The following ENDOD1 variants were observed in gnomAD, a reference collection of about 807,000 sequenced individuals.
ENDOD1 encodes endonuclease domain-containing 1 protein.
A neutral mutation model predicts 6.5 loss-of-function variants in ENDOD1; 9 were observed. That is an observed-to-expected ratio of 1.39 (90% CI 0.84 to 2.43). The LOEUF is 2.43. ENDOD1 is among the 30% of genes most tolerant of loss of function. The pLI is 0.00. For synonymous variants in ENDOD1, 255 were observed against 255.2 expected (o/e 1.00, Z 0.01); for missense variants, 648 against 635.5 (o/e 1.02, Z -0.21).
At chr11:95,111,892 G>A (rs1346119049) in intron 1 of ENDOD1, among the ~76,000 whole-genome samples, 1 of 152,154 alleles carries the variant, frequency 6.6e-6, no homozygotes, top group Non-Finnish European at 1.5e-5. Context: ...TACCTTGCAT[G>A]GAAGACGATG....
At chr11:95,127,867 C>T (rs1385694405) in intron 1 of ENDOD1, among the ~76,000 whole-genome samples, 1 of 152,062 alleles carries the variant, frequency 6.6e-6, no homozygotes, top group South Asian at 2.1e-4. Context: ...TCAAGTGATT[C>T]TCCTGCCTCA....
chr11:95,104,082 A>G (rs1178952348), intron 1 of ENDOD1, among the ~76,000 whole-genome samples: 10 of 152,110 alleles, frequency 6.6e-5, no homozygotes, highest in African/African-American at 2.4e-4. Context: ...TCTTTAGAAT[A>G]ATTTGGTAGA....
chr11:95,129,210 C>T lies in ENDOD1; in HGVS notation c.1134C>T (p.Arg378=). 6.2e-7 allele frequency: 1 copy of T among 1,614,174 alleles called. No individual in the cohort carries two copies. The highest frequency in any genetic ancestry group is 8.5e-7 in the Non-Finnish European group (1 of 1,180,036). ...ATGGCATAGAAAGTTGCCTTTACCG[C>T]CTGGGCTCAGCCACCATCTCATACT... ...VINGIESCLY[R]LGSATISYFM... The change falls in exon 2 of 2, where the codon CGC becomes CGT. Residue 378 remains arginine (R), a synonymous_variant. Coordinates refer to ENST00000278505, the MANE Select transcript of ENDOD1 (RefSeq NM_015036.3).
At chr11:95,112,415 A>T (rs782432901) in intron 1 of ENDOD1, among the ~76,000 whole-genome samples, 1 of 152,208 alleles carries the variant, frequency 6.6e-6, no homozygotes, top group Admixed American at 6.5e-5. Flanking sequence ...CCTGCCATTC[A>T]TCTGAGTTTC....
rs1248233862 is a variant in ENDOD1, at chr11:95,098,726, T to A, written c.300+8499T>A. 2.0e-5 allele frequency among the ~76,000 whole-genome samples: 3 copies of A among 152,110 alleles called. No homozygotes were observed. In the East Asian group the frequency reaches 5.8e-4, roughly 30 times the overall value. ...TTTTTTCACATGTAATTTCATGTAA[T>A]CCTCAGCATCGTCAGAAATAGGTAC... On this transcript the variant is annotated intron_variant, in intron 1 of 1. Coordinates refer to ENST00000278505, the MANE Select transcript of ENDOD1 (RefSeq NM_015036.3).
At chr11:95,122,048 T>C (rs1466550381) in intron 1 of ENDOD1, among the ~76,000 whole-genome samples, 1 of 152,214 alleles carries the variant, frequency 6.6e-6, no homozygotes, top group African/African-American at 2.4e-5. Context: ...CATAGGTTTA[T>C]TTTTGTCTTT....
chr11:95,104,146 C>G (rs564816161), intron 1 of ENDOD1, among the ~76,000 whole-genome samples: 2 of 152,212 alleles, frequency 1.3e-5, no homozygotes, highest in Non-Finnish European at 2.9e-5. Context: ...CCCAGACTTA[C>G]GGGATCAAGA....
chr11:95,105,983 C>G (rs1318047932), intron 1 of ENDOD1, among the ~76,000 whole-genome samples: 1 of 152,088 alleles, frequency 6.6e-6, no homozygotes, highest in Non-Finnish European at 1.5e-5. Flanking sequence ...AAAATTCAGC[C>G]AGAGCCAGAG....
At position 95,130,239 on chromosome 11, in the gene ENDOD1, T is replaced by A. The variant is rs914758876; in HGVS notation, c.*660T>A. 1 of 152,344 alleles carries A rather than the reference T, an allele frequency of 6.6e-6. No homozygotes were observed. Among genetic ancestry groups the A allele is most frequent in the African/African-American group, 2.4e-5 (1 of 41,578 alleles). The allele number at this position is 152,344 out of a possible 1,614,324, so 9.4% of individuals were successfully genotyped here. ...CTTTTAGGTAATGATAAGCATTTTTTAAAAAATCATTTTTAGGTAATGGTA... is the reference window on the plus strand; with the variant it reads ...CTTTTAGGTAATGATAAGCATTTTTAAAAAAATCATTTTTAGGTAATGGTA... On this transcript the variant is annotated 3_prime_UTR_variant, in exon 2 of 2. Transcript: ENST00000278505.
chr11:95,092,121 T>TAA (rs1399556561), intron 1 of ENDOD1, among the ~76,000 whole-genome samples: 2 of 152,042 alleles, frequency 1.3e-5, no homozygotes, highest in Non-Finnish European at 2.9e-5. Context: ...TGTGGAAAGA[T>TAA]AAGGCAGAGT....
chr11:95,113,949 G>A (rs996330701), intron 1 of ENDOD1, among the ~76,000 whole-genome samples: 3 of 151,960 alleles, frequency 2.0e-5, no homozygotes, highest in Non-Finnish European at 4.4e-5. Context: ...CCTATCTTTT[G>A]GATATAAGCC....
chr11:95,108,236 C>T (rs1271577875), intron 1 of ENDOD1, among the ~76,000 whole-genome samples: 3 of 152,148 alleles, frequency 2.0e-5, no homozygotes, highest in African/African-American at 4.8e-5. Flanking sequence ...TTTTATCTTC[C>T]GTTCCACCGT....
intron 1 of ENDOD1, among the ~76,000 whole-genome samples, chr11:95,096,415 C>T (rs1378117031): frequency 6.6e-6 from 1 of 151,876 alleles, no homozygotes; most frequent in Admixed American, 6.6e-5. Flanking sequence ...GACTCATAGG[C>T]TGAACCAAGA....
intron 1 of ENDOD1, among the ~76,000 whole-genome samples, chr11:95,108,997 C>A (rs1369453843): frequency 1.3e-5 from 2 of 152,182 alleles, no homozygotes; most frequent in Non-Finnish European, 2.9e-5. Flanking sequence ...TGTTGGCATT[C>A]CTTTTACATC....
intron 1 of ENDOD1, among the ~76,000 whole-genome samples, chr11:95,110,124 T>G (rs1859132519): frequency 6.6e-6 from 1 of 152,232 alleles, no homozygotes; most frequent in Non-Finnish European, 1.5e-5. Flanking sequence ...CATGGTGGCC[T>G]TCGGAGGCTA....
At chr11:95,091,592 C>A (rs1159478660) in intron 1 of ENDOD1, among the ~76,000 whole-genome samples, 1 of 152,230 alleles carries the variant, frequency 6.6e-6, no homozygotes, top group Non-Finnish European at 1.5e-5. Context: ...GCGAAGAAAA[C>A]AAATGAGCTA....
chr11:95,091,894 T>A (rs1435769911), intron 1 of ENDOD1, among the ~76,000 whole-genome samples: 1 of 152,174 alleles, frequency 6.6e-6, no homozygotes, highest in Non-Finnish European at 1.5e-5. Flanking sequence ...TTGGGCAGGT[T>A]AAATTGGAGA....
chr11:95,116,751 C>G (rs1859213244), intron 1 of ENDOD1, among the ~76,000 whole-genome samples: 1 of 152,186 alleles, frequency 6.6e-6, no homozygotes, highest in Non-Finnish European at 1.5e-5. Flanking sequence ...CATTGACCCA[C>G]TGGTCATTCA....
intron 1 of ENDOD1, among the ~76,000 whole-genome samples, chr11:95,097,878 G>A (rs145294477): frequency 6.6e-6 from 1 of 152,322 alleles, no homozygotes; most frequent in East Asian, 1.9e-4. Flanking sequence ...TACAAAAGGA[G>A]GGGCTGTTTG....
Sources: gnomAD v4.1 joint callset for allele counts (sites outside exome capture counted in the v4.1 genomes callset) on GRCh38, gnomAD v4.1.1 for gene constraint, MANE v1.5 for transcripts, NCBI Gene and HGNC (gene_info 2026-07-23, HGNC 2026-07-21) for gene names.